EXOC7: variants seen among roughly 807,000 people sequenced by gnomAD.
EXOC7 encodes exocyst complex component 7.
Under a neutral mutation model 87.6 loss-of-function variants are expected in EXOC7, and 51 were observed. That is an observed-to-expected ratio of 0.58 (90% CI 0.46 to 0.73). The LOEUF is 0.73. Ranked by LOEUF, EXOC7 falls within the 30% of genes least tolerant of loss-of-function variation. The pLI is 0.00. For synonymous variants in EXOC7, 327 were observed against 357.1 expected, an observed-to-expected ratio of 0.92 and a Z score of 0.95; for missense variants, 744 against 888.4, an observed-to-expected ratio of 0.84 and a Z score of 2.07.
chr17:76,088,241 A>G, intron 10 of EXOC7, 119 bp from the exon 11 acceptor site: 1 of 1,090,624 alleles, frequency 9.2e-7, no homozygotes, highest in Non-Finnish European at 1.4e-6. Context: ...TCAGGCACAA[A>G]GGCTGAGCCA....
intron 2 of EXOC7, 137 bp downstream of exon 2, chr17:76,103,224 G>C (rs2068160917): frequency 5.3e-6 from 4 of 750,056 alleles, no homozygotes; most frequent in Non-Finnish European, 8.9e-6. Flanking sequence ...CCAAACTGTT[G>C]CTAGATAAAC....
chr17:76,091,931 T>G (rs1056055304), intron 6 of EXOC7, among the ~76,000 whole-genome samples: 8 of 152,174 alleles, frequency 5.3e-5, no homozygotes, highest in Admixed American at 1.3e-4. Flanking sequence ...AGAGGGCACA[T>G]GCTCTTGGCA....
Position 76,081,405 on chromosome 17 carries a change from G to A in EXOC7, c.*2243C>T. ...TGGTGCCCTGCTTCCAGGTGACGGT[G>A]AGTCAAGTCGGGAGGAGGCCGACAG... is the stretch of plus-strand genomic sequence containing the variant. On this transcript the variant is annotated 3_prime_UTR_variant, in exon 19 of 19. Transcript: ENST00000589210. The A allele has an allele frequency of 6.2e-7, 1 of 1,614,086 alleles. No individual in the cohort carries two copies. The highest frequency in any genetic ancestry group is 8.5e-7 in the Non-Finnish European group (1 of 1,180,024).
chr17:76,083,370 C>T lies in EXOC7; in HGVS notation c.*278G>A. ...GTGGGCACAGGCCTCTGTCTTCCTT[C>T]TCTCTTTTCCTGTTTCAGAAGCCAT... On this transcript the variant is annotated 3_prime_UTR_variant, in exon 19 of 19. Transcript: ENST00000589210. The T allele has an allele frequency of 2.3e-6, 1 of 440,624 alleles. No homozygotes were observed. The highest frequency in any genetic ancestry group is 4.2e-6 in the Non-Finnish European group (1 of 237,826). 27.3% of individuals were successfully genotyped at this position (440,624 alleles called of 1,614,324 possible).
intron 18 of EXOC7, 106 bp downstream of exon 18, chr17:76,083,900 T>G (rs2144584975): frequency 6.7e-7 from 1 of 1,485,346 alleles, no homozygotes; most frequent in African/African-American, 1.4e-5. Context: ...CTGGATCTGC[T>G]GCCTAAATCC....
chr17:76,090,440 A>G (rs2144635756), intron 7 of EXOC7: 2 of 1,551,610 alleles, frequency 1.3e-6, no homozygotes, highest in Non-Finnish European at 1.7e-6. Flanking sequence ...GCGTTTATCC[A>G]GGGGCCAGGC....
chr17:76,087,199 G>A (rs966086713), intron 12 of EXOC7: 2 of 410,404 alleles, frequency 4.9e-6, no homozygotes, highest in Non-Finnish European at 9.0e-6. Context: ...CCAGAAAGGT[G>A]CTCTTGCTTA....
Position 76,090,270 on chromosome 17 carries a change from C to A in EXOC7, c.901+873G>T, listed in dbSNP as rs1008290159. ...CTGGGCCAGGCAGGAGCAGGCCATC[C>A]GGGGACCGCTGCGAAGGCAGTGTCA... On this transcript the variant is annotated intron_variant, in intron 7 of 18. Coordinates refer to ENST00000589210, the MANE Select transcript of EXOC7 (RefSeq NM_001013839.4). 6.5e-6 allele frequency: 10 copies of A among 1,527,570 alleles called. No homozygotes were observed. In the South Asian group the frequency reaches 9.9e-5, roughly 15 times the overall value. 94.6% of individuals were successfully genotyped at this position (1,527,570 alleles called of 1,614,324 possible).
In EXOC7 at chr17:76,081,416, G is replaced by C. The variant is rs8836; in HGVS notation, c.*2232C>G. The C allele has an allele frequency of 0.57, 927,056 of 1,613,742 alleles. 277,561 individuals are homozygous for C. The highest frequency in any genetic ancestry group is 0.68 in the South Asian group (61,730 of 91,070). On this transcript the variant is annotated 3_prime_UTR_variant, in exon 19 of 19. Coordinates refer to ENST00000589210, the MANE Select transcript of EXOC7 (RefSeq NM_001013839.4). ...TTCCAGGTGACGGTGAGTCAAGTCG[G>C]GAGGAGGCCGACAGAGGGCTGCTGG...
At chr17:76,101,655 AC>A in intron 3 of EXOC7, 23 bp downstream of exon 3, 1 of 1,591,278 alleles carries the variant, frequency 6.3e-7, no homozygotes, top group Non-Finnish European at 8.6e-7. Context: ...TTAGGAATTG[AC>A]CCTCTGGGCC....
intron 12 of EXOC7, among the ~76,000 whole-genome samples, chr17:76,087,120 C>A (rs2067247387): frequency 2.0e-5 from 3 of 152,206 alleles, no homozygotes. Context: ...CTGGAGGCTG[C>A]CCACAGGCTC....
chr17:76,090,126 C>A (rs2067407582), intron 7 of EXOC7, among the ~76,000 whole-genome samples: 1 of 152,248 alleles, frequency 6.6e-6, no homozygotes, highest in African/African-American at 2.4e-5. Flanking sequence ...TTGGCCCAGG[C>A]CTGACAGACA....
intron 5 of EXOC7, among the ~76,000 whole-genome samples, chr17:76,096,805 C>T (rs951533482): frequency 5.3e-5 from 8 of 152,122 alleles, no homozygotes; most frequent in Non-Finnish European, 1.2e-4. Flanking sequence ...ATCCGCCCAC[C>T]TTGGCCCCCC....
chr17:76,084,042 G>C lies in EXOC7; in HGVS notation c.1916C>G (p.Thr639Ser). ...GGCCCCGTAGGTCTCCTTGACAATG[G>C]TCTTCTGGGCCTGGCGAATCCTGTC... Reference protein sequence around the residue: ...QRDRIRQAQKTIVKETYGAFL... With the variant: ...QRDRIRQAQKSIVKETYGAFL... The change falls in exon 18 of 19, where the codon ACC (threonine) becomes AGC (serine). Residue 639 changes from threonine (T) to serine (S), a missense_variant. Physicochemically the swap from Thr to Ser is moderately conservative, Grantham distance 58. Coordinates refer to ENST00000589210, the MANE Select transcript of EXOC7 (RefSeq NM_001013839.4). The C allele has an allele frequency of 3.1e-6, 5 of 1,606,398 alleles. No individual in the cohort carries two copies. Among genetic ancestry groups the C allele is most frequent in the Non-Finnish European group, 4.2e-6 (5 of 1,177,270 alleles).
chr17:76,083,551 G>A lies in EXOC7; in HGVS notation c.*97C>T, dbSNP rs2067071354. 3.3e-6 allele frequency: 4 copies of A among 1,205,642 alleles called. No individual in the cohort carries two copies. In the South Asian group the frequency reaches 5.0e-5, roughly 15 times the overall value. 74.7% of individuals were successfully genotyped at this position (1,205,642 alleles called of 1,614,324 possible). A position where few individuals can be genotyped will look rare whatever the true frequency, so the allele number is the denominator to read the frequency against. On this transcript the variant is annotated 3_prime_UTR_variant, in exon 19 of 19. Coordinates refer to ENST00000589210, the MANE Select transcript of EXOC7 (RefSeq NM_001013839.4). Reference sequence around the variant, plus strand: ...CGTGGAGACAGGTCTCTGTCCCAGAGGACTTCAAGCTCACCCAGCCCAGAG... The same window carrying A: ...CGTGGAGACAGGTCTCTGTCCCAGAAGACTTCAAGCTCACCCAGCCCAGAG...
chr17:76,091,938 G>C (rs1183436463), intron 6 of EXOC7, among the ~76,000 whole-genome samples: 2 of 152,178 alleles, frequency 1.3e-5, no homozygotes, highest in Non-Finnish European at 2.9e-5. Context: ...ACATGCTCTT[G>C]GCATGGGGGA....
chr17:76,089,464 C>CA, intron 7 of EXOC7, 144 bp from the exon 8 acceptor site: 1 of 1,065,674 alleles, frequency 9.4e-7, no homozygotes, highest in East Asian at 2.6e-5. Flanking sequence ...CAGAAAGCTG[C>CA]AAGGGAGCCA....
At chr17:76,086,181 C>T (rs767251799) in intron 12 of EXOC7, 36 bp from the exon 13 acceptor site, 4 of 1,601,878 alleles carry the variant, frequency 2.5e-6, no homozygotes, top group Non-Finnish European at 2.6e-6. Flanking sequence ...GCAGTGGCAG[C>T]AGCCAAGACC....
intron 5 of EXOC7, 150 bp from the exon 6 acceptor site, chr17:76,094,731 G>T: frequency 1.3e-6 from 1 of 742,418 alleles, no homozygotes; most frequent in Non-Finnish European, 2.1e-6. Context: ...CCCAAATCAG[G>T]CAAAGTCTTT....
Sources: allele counts gnomAD v4.1 joint callset (sites outside exome capture counted in the v4.1 genomes callset), GRCh38; gene constraint gnomAD v4.1.1; transcripts MANE v1.5; gene names NCBI Gene and HGNC (gene_info 2026-07-23, HGNC 2026-07-21).